LRRC4C: variants seen among roughly 807,000 people sequenced by gnomAD.
LRRC4C encodes the protein leucine-rich repeat-containing protein 4C.
In LRRC4C, 5 loss-of-function variants were observed where a neutral mutation model predicts 33.6. The observed-to-expected ratio is 0.15, with a 90% CI of 0.08 to 0.31. LRRC4C has a LOEUF of 0.31. Among genes scored for constraint, LRRC4C ranks in the 10% least tolerant of loss-of-function variants. The probability of loss-of-function intolerance (pLI) is 1.00; values close to 1 mark genes in which losing one functional copy is unlikely to be tolerated. For missense variants in LRRC4C, 560 were observed against 796.7 expected, an observed-to-expected ratio of 0.70 and a Z score of 3.58; for synonymous variants, 329 against 302.0, an observed-to-expected ratio of 1.09 and a Z score of -0.93.
intron 1 of LRRC4C, among the ~76,000 whole-genome samples, chr11:40,985,876 A>T (rs1852952175): frequency 6.6e-6 from 1 of 152,108 alleles, no homozygotes; most frequent in Non-Finnish European, 1.5e-5. Context: ...TTGAACTTGA[A>T]AACTGTGCTG....
intron 3 of LRRC4C, among the ~76,000 whole-genome samples, chr11:40,464,285 T>C: frequency 6.6e-6 from 1 of 152,006 alleles, no homozygotes. Context: ...CATCAATTGC[T>C]GAGAAAAACC....
intron 5 of LRRC4C, among the ~76,000 whole-genome samples, chr11:40,169,790 T>C (rs1859896083): frequency 6.6e-6 from 1 of 152,194 alleles, no homozygotes; most frequent in South Asian, 2.1e-4. Flanking sequence ...ACATCACTTT[T>C]ACAATTCACA....
intron 3 of LRRC4C, among the ~76,000 whole-genome samples, chr11:40,369,419 C>A (rs200324633): frequency 6.6e-6 from 1 of 152,148 alleles, no homozygotes; most frequent in Non-Finnish European, 1.5e-5. Flanking sequence ...ATCTCGGAAT[C>A]ACCGCAAACT....
intron 2 of LRRC4C, among the ~76,000 whole-genome samples, chr11:40,753,104 T>C (rs370188674): frequency 6.6e-6 from 1 of 151,952 alleles, no homozygotes; most frequent in East Asian, 1.9e-4. Context: ...TGATAGAGAA[T>C]AGAATATTAT....
At position 41,142,195 on chromosome 11, in the gene LRRC4C, TA is replaced by T. The variant is rs150837776; in HGVS notation, c.-495-208473del. Among the ~76,000 whole-genome samples, 1,256 of 152,300 alleles carry T rather than the reference TA, an allele frequency of 8.2e-3. 26 individuals are homozygous for T. Among genetic ancestry groups the T allele is most frequent in the African/African-American group, 0.029 (1,194 of 41,556 alleles). On this transcript the variant is annotated intron_variant, in intron 1 of 6. Coordinates refer to ENST00000528697, the MANE Select transcript of LRRC4C (RefSeq NM_001258419.2). ...TAATTAATAGGTTTTCAGCTGTCGC[TA>T]AGGCATAGTAGATTCTTTCATTTAC...
At chr11:40,503,647 C>A (rs539903468) in intron 3 of LRRC4C, among the ~76,000 whole-genome samples, 9 of 152,294 alleles carry the variant, frequency 5.9e-5, no homozygotes, top group Middle Eastern at 3.4e-3. Context: ...TTGACAGGAA[C>A]AAGGATGTTC....
chr11:41,290,536 C>T (rs1014878594), intron 1 of LRRC4C, among the ~76,000 whole-genome samples: 5 of 152,134 alleles, frequency 3.3e-5, no homozygotes, highest in African/African-American at 1.2e-4. Flanking sequence ...ATACTATTCA[C>T]ACGGAGGCAA....
chr11:41,308,083 A>T (rs949328797), intron 1 of LRRC4C, among the ~76,000 whole-genome samples: 2 of 152,316 alleles, frequency 1.3e-5, no homozygotes, highest in East Asian at 3.9e-4. Context: ...TTTCCACAAC[A>T]TAGAACCTTG....
chr11:40,923,581 T>C (rs1289765173), intron 2 of LRRC4C, among the ~76,000 whole-genome samples: 1 of 152,146 alleles, frequency 6.6e-6, no homozygotes, highest in Non-Finnish European at 1.5e-5. Context: ...CCAAGTAAAA[T>C]GACATAGAAC....
At chr11:40,970,806 A>G (rs1354199298) in intron 1 of LRRC4C, among the ~76,000 whole-genome samples, 1 of 152,132 alleles carries the variant, frequency 6.6e-6, no homozygotes, top group East Asian at 1.9e-4. Context: ...TATATTAGGA[A>G]CTGGAGTAAA....
chr11:40,552,737 C>T (rs1220095684), intron 3 of LRRC4C, among the ~76,000 whole-genome samples: 3 of 152,092 alleles, frequency 2.0e-5, no homozygotes, highest in Non-Finnish European at 4.4e-5. Flanking sequence ...GAAGACATGT[C>T]CAAACTTATG....
chr11:41,080,463 T>C (rs1176614409), intron 1 of LRRC4C, among the ~76,000 whole-genome samples: 1 of 149,122 alleles, frequency 6.7e-6, no homozygotes, highest in South Asian at 2.2e-4. Flanking sequence ...GCGATTCTCC[T>C]ACCTCAGCCT....
chr11:40,847,642 C>T (rs947371263), intron 2 of LRRC4C, among the ~76,000 whole-genome samples: 9 of 152,078 alleles, frequency 5.9e-5, no homozygotes, highest in Admixed American at 1.3e-4. Flanking sequence ...GTTTTAGTAT[C>T]GTGATGATGT....
chr11:40,631,389 A>G (rs1963467111), intron 3 of LRRC4C, among the ~76,000 whole-genome samples: 3 of 152,172 alleles, frequency 2.0e-5, no homozygotes, highest in Admixed American at 1.3e-4. Flanking sequence ...ATTGCCAGAT[A>G]TGTTTGGGGC....
At chr11:40,474,023 C>A (rs1233251733) in intron 3 of LRRC4C, among the ~76,000 whole-genome samples, 1 of 152,132 alleles carries the variant, frequency 6.6e-6, no homozygotes, top group Non-Finnish European at 1.5e-5. Flanking sequence ...AATGGCCATA[C>A]TTCCCAAAGT....
intron 2 of LRRC4C, among the ~76,000 whole-genome samples, chr11:40,888,864 C>T (rs1955577140): frequency 6.6e-6 from 1 of 151,954 alleles, no homozygotes; most frequent in Non-Finnish European, 1.5e-5. Context: ...AAAATTTTCA[C>T]ACCAAAATGC....
At chr11:40,363,959 A>G (rs971688652) in intron 3 of LRRC4C, among the ~76,000 whole-genome samples, 1 of 152,214 alleles carries the variant, frequency 6.6e-6, no homozygotes, top group Admixed American at 6.5e-5. Context: ...CAGAAGAAAC[A>G]TCATATTCGT....
chr11:41,217,191 C>T (rs1947099717), intron 1 of LRRC4C, among the ~76,000 whole-genome samples: 1 of 152,168 alleles, frequency 6.6e-6, no homozygotes, highest in Non-Finnish European at 1.5e-5. Flanking sequence ...GTTCTTCAGA[C>T]AGTGCCCATG....
chr11:41,200,101 A>G (rs1403834288), intron 1 of LRRC4C, among the ~76,000 whole-genome samples: 1 of 151,940 alleles, frequency 6.6e-6, no homozygotes, highest in Non-Finnish European at 1.5e-5. Context: ...TAGTAATGTC[A>G]CTTCTGAAAT....
Sources: gnomAD v4.1 joint callset for allele counts (sites outside exome capture counted in the v4.1 genomes callset) on GRCh38, gnomAD v4.1.1 for gene constraint, MANE v1.5 for transcripts, NCBI Gene and HGNC (gene_info 2026-07-23, HGNC 2026-07-21) for gene names.